ASAP1: variants seen among roughly 807,000 people sequenced by gnomAD.
ASAP1 encodes arf-GAP with SH3 domain, ANK repeat and PH domain-containing protein 1.
In ASAP1, 43 loss-of-function variants were observed where a neutral mutation model predicts 145.2. The observed-to-expected ratio is 0.30, with a 90% CI of 0.23 to 0.38. ASAP1 has a LOEUF of 0.38. Among genes scored for constraint, ASAP1 ranks in the 10% least tolerant of loss-of-function variants. The pLI is 1.00. For missense variants in ASAP1, 1,018 were observed against 1,355.3 expected, an observed-to-expected ratio of 0.75 and a Z score of 3.91; for synonymous variants, 546 against 515.5, an observed-to-expected ratio of 1.06 and a Z score of -0.80.
intron 4 of ASAP1, among the ~76,000 whole-genome samples, chr8:130,226,876 T>C (rs1817616730): frequency 6.6e-6 from 1 of 152,176 alleles, no homozygotes; most frequent in East Asian, 1.9e-4. Flanking sequence ...GCTCTGTAGG[T>C]AATTGCAATG....
chr8:130,251,755 C>A (rs1306456995), intron 3 of ASAP1, among the ~76,000 whole-genome samples: 1 of 152,046 alleles, frequency 6.6e-6, no homozygotes, highest in Non-Finnish European at 1.5e-5. Flanking sequence ...ACACAAGAAA[C>A]CGAAAATAGC....
intron 4 of ASAP1, among the ~76,000 whole-genome samples, chr8:130,217,958 C>A (rs1167396392): frequency 6.6e-6 from 1 of 152,076 alleles, no homozygotes; most frequent in Non-Finnish European, 1.5e-5. Context: ...TTCTAATCAC[C>A]ACCACATTAA....
At chr8:130,392,754 G>A (rs188672173) in intron 2 of ASAP1, among the ~76,000 whole-genome samples, 52 of 152,282 alleles carry the variant, frequency 3.4e-4, no homozygotes, top group African/African-American at 1.3e-3. Flanking sequence ...TGGCAGAAGG[G>A]GAAGGGGAGC....
At chr8:130,266,972 C>T (rs1264955478) in intron 3 of ASAP1, among the ~76,000 whole-genome samples, 3 of 151,572 alleles carry the variant, frequency 2.0e-5, no homozygotes, top group Non-Finnish European at 2.9e-5. Flanking sequence ...GGATAAGAGA[C>T]ATAGAAGATA....
chr8:130,166,705 C>A lies in ASAP1; in HGVS notation c.909+831G>T, dbSNP rs78317276. Among the ~76,000 whole-genome samples, 410 of 152,178 alleles carry A rather than the reference C, an allele frequency of 2.7e-3. 13 individuals carry two copies. In the East Asian group the frequency reaches 0.054, roughly 20 times the overall value. On this transcript the variant is annotated intron_variant, in intron 11 of 29. Coordinates refer to ENST00000518721, the MANE Select transcript of ASAP1 (RefSeq NM_018482.4). ...AGTACCTAGAACTGTGCCTGGCACA[C>A]AGCAGGTGTTAATGAAATGTTTGAA...
chr8:130,092,191 A>T, intron 24 of ASAP1, 48 bp from the exon 25 acceptor site: 1 of 1,535,520 alleles, frequency 6.5e-7, no homozygotes, highest in South Asian at 1.2e-5. Context: ...CCAGTCTCAC[A>T]GATACAAAAC....
intron 5 of ASAP1, among the ~76,000 whole-genome samples, chr8:130,200,972 T>C (rs568122985): frequency 6.6e-6 from 1 of 152,328 alleles, no homozygotes; most frequent in East Asian, 1.9e-4. Context: ...AGAGTGACAA[T>C]CCTTCCTAGT....
chr8:130,406,505 G>A (rs949534047), intron 1 of ASAP1, among the ~76,000 whole-genome samples: 11 of 146,276 alleles, frequency 7.5e-5, no homozygotes, highest in Non-Finnish European at 1.0e-4. Flanking sequence ...ACAGAGTCTC[G>A]CTGTGTCACC....
chr8:130,302,467 G>T (rs1482141698), intron 3 of ASAP1, among the ~76,000 whole-genome samples: 2 of 152,190 alleles, frequency 1.3e-5, no homozygotes, highest in Non-Finnish European at 2.9e-5. Context: ...AAAAATTCTG[G>T]CTTTTAAACC....
intron 1 of ASAP1, among the ~76,000 whole-genome samples, chr8:130,416,192 G>A (rs1383851672): frequency 1.3e-5 from 2 of 152,172 alleles, no homozygotes; most frequent in Admixed American, 6.5e-5. Context: ...CGCCAACTCC[G>A]GAGGACAAGC....
intron 1 of ASAP1, among the ~76,000 whole-genome samples, chr8:130,420,893 C>CAA (rs76745841): frequency 2.1e-5 from 2 of 94,986 alleles, no homozygotes; most frequent in African/African-American, 3.7e-5. Flanking sequence ...AACTCCAACT[C>CAA]AAAAAAAAAA....
intron 3 of ASAP1, among the ~76,000 whole-genome samples, chr8:130,352,118 T>C (rs1826029836): frequency 6.6e-6 from 1 of 152,164 alleles, no homozygotes; most frequent in African/African-American, 2.4e-5. Context: ...CCTTTTGTTG[T>C]ATTATCTTCA....
chr8:130,116,623 G>T, intron 22 of ASAP1, 55 bp downstream of exon 22: 1 of 1,452,728 alleles, frequency 6.9e-7, no homozygotes, highest in Non-Finnish European at 9.6e-7. Flanking sequence ...TTCTCAGAAT[G>T]ACACTTTTAA....
chr8:130,217,485 G>T (rs1286176185), intron 4 of ASAP1, among the ~76,000 whole-genome samples: 1 of 148,700 alleles, frequency 6.7e-6, no homozygotes, highest in Non-Finnish European at 1.5e-5. Context: ...ATATACACAC[G>T]TATATATGTA....
chr8:130,333,214 A>AT (rs1210296024), intron 3 of ASAP1, among the ~76,000 whole-genome samples: 1 of 152,250 alleles, frequency 6.6e-6, no homozygotes, highest in African/African-American at 2.4e-5. Flanking sequence ...TTAAAAGGCT[A>AT]TTTTATAAAG....
chr8:130,168,204 T>C (rs933254607), intron 10 of ASAP1, among the ~76,000 whole-genome samples: 1 of 152,200 alleles, frequency 6.6e-6, no homozygotes, highest in African/African-American at 2.4e-5. Context: ...GGATATTTAC[T>C]CATACTCATA....
intron 3 of ASAP1, among the ~76,000 whole-genome samples, chr8:130,323,734 CTATG>C (rs1824156266): frequency 6.6e-6 from 1 of 152,170 alleles, no homozygotes; most frequent in Non-Finnish European, 1.5e-5. Flanking sequence ...ATTAGGCATA[CTATG>C]TATGTAAGGC....
At chr8:130,381,485 A>G (rs766329127) in intron 2 of ASAP1, among the ~76,000 whole-genome samples, 26 of 152,230 alleles carry the variant, frequency 1.7e-4, no homozygotes. Flanking sequence ...CAGACTAGCC[A>G]TATTTTAAGT....
intron 3 of ASAP1, among the ~76,000 whole-genome samples, chr8:130,317,499 G>A (rs1177994350): frequency 6.6e-6 from 1 of 152,194 alleles, no homozygotes; most frequent in African/African-American, 2.4e-5. Flanking sequence ...GAAGTGAAGG[G>A]GCTGGACCTG....
Sources: allele counts gnomAD v4.1 joint callset (sites outside exome capture counted in the v4.1 genomes callset), GRCh38; gene constraint gnomAD v4.1.1; transcripts MANE v1.5; gene names NCBI Gene and HGNC (gene_info 2026-07-23, HGNC 2026-07-21).